The following ZNF624 variants were observed in gnomAD, a reference collection of about 807,000 sequenced individuals.
ZNF624 encodes zinc finger protein 624.
A neutral mutation model predicts 74.7 loss-of-function variants in ZNF624; 43 were observed. The ratio of observed to expected loss-of-function variants is 0.58; its 90% CI spans 0.45 to 0.74. ZNF624 has a LOEUF of 0.74. Among genes scored for constraint, ZNF624 ranks in the 30% least tolerant of loss-of-function variants. The probability of loss-of-function intolerance (pLI) is 0.00; values close to 1 mark genes in which losing one functional copy is unlikely to be tolerated. For missense variants in ZNF624, 820 were observed against 1,030.0 expected (o/e 0.80, Z 2.79); for synonymous variants, 331 against 341.3 (o/e 0.97, Z 0.33).
Position 16,622,858 on chromosome 17 carries a change from G to A in ZNF624, c.2028C>T (p.Ala676=). The A allele has an allele frequency of 6.2e-7, 1 of 1,613,786 alleles. No homozygotes were observed. The highest frequency in any genetic ancestry group is 8.5e-7 in the Non-Finnish European group (1 of 1,179,896). ...KPYKCNECEK[A]FTNTSQLTVH... ...CGGTAAGCTGTGATGTATTAGTGAA[G>A]GCTTTCTCACATTCATTACATTTAT... is the stretch of plus-strand genomic sequence containing the variant. Residue 676 remains alanine, a synonymous_variant, in exon 6 of 6, where the codon GCC becomes GCT. Coordinates refer to ENST00000311331, the MANE Select transcript of ZNF624 (RefSeq NM_020787.4).
Position 16,650,396 on chromosome 17 carries a change from CA to C in ZNF624, c.-2-651del, listed in dbSNP as rs1480168444. Among the ~76,000 whole-genome samples the C allele has an allele frequency of 1.1e-4, 15 of 130,446 alleles. No homozygotes were observed. In the South Asian group the frequency reaches 3.5e-3, roughly 31 times the overall value. The allele number at this position is 130,446 out of a possible 152,430, so 85.6% of individuals were successfully genotyped here. ...CCTTTCTATATCAGGCAAACTTAAA[CA>C]AAAAGGAAGCAGGTATAATAATAAT... On this transcript the variant is annotated intron_variant, in intron 1 of 5. Transcript: ENST00000311331.
At chr17:16,650,651 T>C (rs542064895) in intron 1 of ZNF624, among the ~76,000 whole-genome samples, 1 of 152,262 alleles carries the variant, frequency 6.6e-6, no homozygotes, top group South Asian at 2.1e-4. Flanking sequence ...GAGTGCCTGA[T>C]GTAGGATATC....
intron 5 of ZNF624, among the ~76,000 whole-genome samples, chr17:16,630,632 G>A (rs1909184543): frequency 6.6e-6 from 1 of 152,080 alleles, no homozygotes; most frequent in Non-Finnish European, 1.5e-5. Flanking sequence ...GAAAGTGAAA[G>A]TTAGCAGATG....
downstream of ZNF624, among the ~76,000 whole-genome samples, chr17:16,619,799 C>G (rs1290781822): frequency 6.6e-6 from 1 of 152,182 alleles, no homozygotes; most frequent in African/African-American, 2.4e-5. Context: ...GCGTTTGCCT[C>G]TAAGGCAGGA....
At chr17:16,652,362 T>C (rs1909746286) in intron 1 of ZNF624, among the ~76,000 whole-genome samples, 1 of 152,140 alleles carries the variant, frequency 6.6e-6, no homozygotes, top group African/African-American at 2.4e-5. Context: ...AAAGCAGACC[T>C]ACAAAGAGCA....
downstream of ZNF624, among the ~76,000 whole-genome samples, chr17:16,618,036 A>G (rs1266346097): frequency 6.6e-6 from 1 of 152,172 alleles, no homozygotes; most frequent in Non-Finnish European, 1.5e-5. Context: ...CAACTTCTAT[A>G]ATTGAAAAAA....
intron 1 of ZNF624, among the ~76,000 whole-genome samples, chr17:16,652,154 G>A (rs963468815): frequency 6.6e-6 from 1 of 151,928 alleles, no homozygotes; most frequent in Non-Finnish European, 1.5e-5. Context: ...TTAATTTTTG[G>A]GGGGGTACGG....
chr17:16,647,416 T>C lies in ZNF624; in HGVS notation c.88-22A>G, dbSNP rs763245540. The C allele has an allele frequency of 2.5e-6, 4 of 1,610,350 alleles. No individual in the cohort carries two copies. In the Admixed American group the frequency reaches 6.7e-5, roughly 27 times the overall value. ...GGCTCTGATGGGATACAGGATAAGA[T>C]CATTCAGTGATAGGCTGCCTATGAC... On this transcript the variant is annotated intron_variant, in intron 2 of 5. Coordinates refer to ENST00000311331, the MANE Select transcript of ZNF624 (RefSeq NM_020787.4).
intron 5 of ZNF624, among the ~76,000 whole-genome samples, chr17:16,630,940 A>G (rs887946125): frequency 6.9e-6 from 1 of 144,796 alleles, no homozygotes; most frequent in African/African-American, 2.5e-5. Context: ...AGATTTTAAC[A>G]TAATTAACAA....
chr17:16,651,429 C>CAAA (rs34186812), intron 1 of ZNF624, among the ~76,000 whole-genome samples: 1 of 84,390 alleles, frequency 1.2e-5, no homozygotes, highest in African/African-American at 3.9e-5. Flanking sequence ...GACTCCATCT[C>CAAA]AAAAAAAAAA....
At chr17:16,636,308 G>A (rs1355366134) in intron 3 of ZNF624, among the ~76,000 whole-genome samples, 2 of 152,192 alleles carry the variant, frequency 1.3e-5, no homozygotes, top group Non-Finnish European at 2.9e-5. Context: ...AGTTTGTATT[G>A]TAATCAAACA....
chr17:16,649,954 T>C (rs182246882), intron 1 of ZNF624, among the ~76,000 whole-genome samples: 160 of 152,280 alleles, frequency 1.1e-3, no homozygotes, highest in African/African-American at 3.6e-3. Flanking sequence ...AGGCTAGCCA[T>C]TGTACAAGGA....
chr17:16,649,829 G>A (rs1909678824), intron 1 of ZNF624, 83 bp from the exon 2 acceptor site: 1 of 1,036,812 alleles, frequency 9.6e-7, no homozygotes, highest in Admixed American at 1.9e-5. Flanking sequence ...ACATACAAGT[G>A]AGCATGACCT....
chr17:16,616,996 C>G (rs1244214854), downstream of ZNF624: 1 of 1,606,246 alleles, frequency 6.2e-7, no homozygotes, highest in African/African-American at 1.3e-5. Flanking sequence ...GGACTGGCTC[C>G]TTGATCTGGA....
At chr17:16,651,716 C>T (rs1193033246) in intron 1 of ZNF624, among the ~76,000 whole-genome samples, 1 of 152,052 alleles carries the variant, frequency 6.6e-6, no homozygotes, top group Non-Finnish European at 1.5e-5. Flanking sequence ...AATTATGACT[C>T]CTCTCCTGTT....
chr17:16,650,411 T>TATAATAATAATA (rs58272736), intron 1 of ZNF624, among the ~76,000 whole-genome samples: 16,871 of 147,948 alleles, frequency 0.11, 1,102 homozygotes, highest in East Asian at 0.29. Flanking sequence ...AGGAAGCAGG[T>TATAATAATAATA]ATAATAATAA....
chr17:16,632,792 G>T (rs8065558), intron 5 of ZNF624, among the ~76,000 whole-genome samples: 1 of 152,092 alleles, frequency 6.6e-6, no homozygotes, highest in African/African-American at 2.4e-5. Flanking sequence ...CCCTGCAGTA[G>T]AATCTCTCCA....
chr17:16,635,236 A>T (rs1909299762), intron 3 of ZNF624, among the ~76,000 whole-genome samples: 1 of 152,196 alleles, frequency 6.6e-6, no homozygotes, highest in African/African-American at 2.4e-5. Flanking sequence ...GTGGATATAG[A>T]ATATTATAAG....
At chr17:16,616,780 A>C (rs1284615369), downstream of ZNF624, 1 of 854,276 alleles carries the variant, frequency 1.2e-6, no homozygotes, top group African/African-American at 1.7e-5. Context: ...AAGTATAAAC[A>C]TGGAAGAGTA....
Sources: gnomAD v4.1 joint callset for allele counts (sites outside exome capture counted in the v4.1 genomes callset) on GRCh38, gnomAD v4.1.1 for gene constraint, MANE v1.5 for transcripts, NCBI Gene and HGNC (gene_info 2026-07-23, HGNC 2026-07-21) for gene names.